Variants in FSCN3 observed in about 807,000 individuals in gnomAD.
FSCN3 encodes fascin-3.
In FSCN3, 43 loss-of-function variants were observed where a neutral mutation model predicts 53.5. The ratio of observed to expected loss-of-function variants is 0.80; its 90% CI spans 0.63 to 1.04. FSCN3 has a LOEUF of 1.04. Ranked by LOEUF, FSCN3 falls within the 50% of genes least tolerant of loss-of-function variation. The probability of loss-of-function intolerance (pLI) is 0.00; values close to 1 mark genes in which losing one functional copy is unlikely to be tolerated. For synonymous variants in FSCN3, 235 were observed against 246.6 expected, an observed-to-expected ratio of 0.95 and a Z score of 0.44; for missense variants, 594 against 646.5, an observed-to-expected ratio of 0.92 and a Z score of 0.88.
Position 127,596,388 on chromosome 7 carries a change from G to A in FSCN3, c.902G>A (p.Cys301Tyr), listed in dbSNP as rs776281385. The stretch of plus-strand genomic sequence containing the variant: ...CGAATGTCCTTGTTCCAGTTTGAAT[G>A]TGACAGTGAGAGCCCCACTGTGCAG... ...LNRMSLFQFE[C>Y]DSESPTVQLR... The change falls in exon 3 of 7, where the codon TGT becomes TAT. Residue 301 changes from cysteine to tyrosine, a missense_variant. Coordinates refer to ENST00000265825, the MANE Select transcript of FSCN3 (RefSeq NM_020369.3). 5 of 1,612,580 alleles carry A rather than the reference G, an allele frequency of 3.1e-6. No homozygotes were observed. In the Admixed American group the frequency reaches 8.3e-5, roughly 27 times the overall value.
In FSCN3 at chr7:127,593,826, C is replaced by T. The variant is rs571077203; in HGVS notation, c.-28C>T. 2.8e-5 allele frequency: 44 copies of T among 1,554,500 alleles called. No individual in the cohort carries two copies. Among genetic ancestry groups the T allele is most frequent in the African/African-American group, 2.5e-4 (18 of 73,326 alleles). On this transcript the variant is annotated 5_prime_UTR_variant, in exon 1 of 7. The change creates a new upstream start codon in the 5' untranslated region. Coordinates refer to ENST00000265825, the MANE Select transcript of FSCN3 (RefSeq NM_020369.3). ...CCACGGGGGGGAGGGCTGGGCCAGACGGAGACATCACCTGTGGTGTCAGCC... is the reference window on the plus strand; with the variant it reads ...CCACGGGGGGGAGGGCTGGGCCAGATGGAGACATCACCTGTGGTGTCAGCC...
Position 127,599,445 on chromosome 7 carries a change from T to C in FSCN3, c.1185T>C (p.Tyr395=), listed in dbSNP as rs774540624. 8 of 1,614,114 alleles carry C rather than the reference T, an allele frequency of 5.0e-6. No individual in the cohort carries two copies. Among genetic ancestry groups the C allele is most frequent in the Non-Finnish European group, 6.8e-6 (8 of 1,179,958 alleles). ...NRSFLVLRGR[Y]GYVGSSSGHD... ...CCTTCCTTGTATTGCGAGGTCGTTA[T>C]GGCTATGTGGGCTCCTCATCGGGCC... The change falls in exon 5 of 7, where the codon TAT becomes TAC. Residue 395 remains tyrosine, a synonymous_variant. Transcript: ENST00000265825.
rs1326399187 is a variant in FSCN3 at position 127,598,569 on chromosome 7, G to A, written c.1095G>A (p.Leu365=). 1 of 1,611,952 alleles carries A rather than the reference G, an allele frequency of 6.2e-7. No individual in the cohort carries two copies. Among genetic ancestry groups the A allele is most frequent in the South Asian group, 1.1e-5 (1 of 90,904 alleles). Residue 365 remains leucine (L), a synonymous_variant, in exon 4 of 7, where the codon CTG becomes CTA. Transcript: ENST00000265825. ...GRFLGIAPNS[L]LMANVILPGP... is the part of the protein sequence containing the mutation. ...TCCTGGGCATTGCACCCAACAGCCT[G>A]CTGATGGCCAATGTCATCCTTCCAG...
intron 5 of FSCN3, 44 bp from the exon 6 acceptor site, chr7:127,600,150 C>G: frequency 9.4e-7 from 1 of 1,058,418 alleles, no homozygotes; most frequent in East Asian, 2.4e-5. Context: ...CGCTGGAGGA[C>G]TCCCCTGTGA....
In FSCN3 at chr7:127,593,890, G is replaced by T. The variant is rs200497171; in HGVS notation, c.37G>T (p.Ala13Ser). 1 of 1,585,674 alleles carries T rather than the reference G, an allele frequency of 6.3e-7. No homozygotes were observed. Among genetic ancestry groups the T allele is most frequent in the South Asian group, 1.2e-5 (1 of 86,908 alleles). ...ETEWIHRHPK[A>S]EDLRVGLISW... ...AGAGTGGATACACAGACATCCCAAG[G>T]CTGAGGACCTAAGGGTTGGGCTCAT... is the stretch of plus-strand genomic sequence containing the variant. The change falls in exon 1 of 7, where the codon GCT (alanine) becomes TCT (serine). Residue 13 changes from alanine (A) to serine (S), a missense_variant. Ala to Ser is a moderately conservative substitution (Grantham distance 99). Transcript: ENST00000265825.
chr7:127,602,028 G>A lies in FSCN3; in HGVS notation c.*406G>A, dbSNP rs1794484285. The A allele has an allele frequency of 6.6e-6, 1 of 151,952 alleles. No individual in the cohort carries two copies. Among genetic ancestry groups the A allele is most frequent in the Non-Finnish European group, 1.5e-5 (1 of 67,992 alleles). The allele number at this position is 151,952 out of a possible 1,614,324, so 9.4% of individuals were successfully genotyped here. A position where few individuals can be genotyped will look rare whatever the true frequency, so the allele number is the denominator to read the frequency against. On this transcript the variant is annotated 3_prime_UTR_variant, in exon 7 of 7. Transcript: ENST00000265825. ...AGTTATGACTTTAAATATCTTTTTG[G>A]TTTAGAAAAAAGGAAAGATTGTTAA...
chr7:127,593,790 GTGGAACCTCACCAC>G lies in FSCN3; in HGVS notation c.-63_-50del. ...GGCCCTATTCCAGGCCCTATGGCCT[GTGGAACCTCACCAC>G]GGGGGGGAGGGCTGGGCCAGACGGA... On this transcript the variant is annotated 5_prime_UTR_variant, in exon 1 of 7. Transcript: ENST00000265825. 1 of 1,538,746 alleles carries G rather than the reference GTGGAACCTCACCAC, an allele frequency of 6.5e-7. No homozygotes were observed. Among genetic ancestry groups the G allele is most frequent in the Non-Finnish European group, 8.8e-7 (1 of 1,137,242 alleles).
chr7:127,594,636 T>C, intron 1 of FSCN3: 1 of 471,148 alleles, frequency 2.1e-6, no homozygotes, highest in Non-Finnish European at 4.4e-6. Flanking sequence ...TTGCAAAGCC[T>C]ATGTTTCTGT....
At chr7:127,594,137 A>T (rs1794340987) in intron 1 of FSCN3, 140 bp downstream of exon 1, 1 of 1,003,522 alleles carries the variant, frequency 1.0e-6, no homozygotes, top group African/African-American at 1.9e-5. Context: ...AGTATACTGG[A>T]ACCGGTTTTC....
Sources: gnomAD v4.1 joint callset for allele counts on GRCh38, gnomAD v4.1.1 for gene constraint, MANE v1.5 for transcripts, NCBI Gene and HGNC (gene_info 2026-07-23, HGNC 2026-07-21) for gene names.